LMO3: variants seen among roughly 807,000 people sequenced by gnomAD.
The protein encoded by LMO3 is LIM domain only 3, also known as LIM domain only protein 3.
LMO3 carries 2 observed loss-of-function variants against 15.8 expected under a neutral mutation model. The ratio of observed to expected loss-of-function variants is 0.13; its 90% CI spans 0.05 to 0.40. The LOEUF (loss-of-function observed/expected upper bound fraction) is 0.40. LMO3 is among the 10% of genes least tolerant of loss of function. The pLI is 0.99. For synonymous variants in LMO3, 62 were observed against 63.8 expected (o/e 0.97, Z 0.13); for missense variants, 86 against 182.2 (o/e 0.47, Z 3.04).
intron 1 of LMO3, chr12:16,602,364 G>A (rs1943849504): frequency 6.6e-6 from 1 of 152,182 alleles, no homozygotes; most frequent in Non-Finnish European, 1.5e-5. Context: ...AGACATCAAG[G>A]CATCCGCAGA....
chr12:16,605,703 G>C, intron 1 of LMO3: 1 of 1,414,222 alleles, frequency 7.1e-7, no homozygotes, highest in South Asian at 1.2e-5. Context: ...CTCTCCCCGG[G>C]AGTCAGGGGT....
chr12:16,566,022 ATATATATATATATATAT>A (rs1565488327), intron 2 of LMO3, among the ~76,000 whole-genome samples: 3 of 83,728 alleles, frequency 3.6e-5, no homozygotes, highest in Non-Finnish European at 7.0e-5. Flanking sequence ...ATATATATAT[ATATATATATATATATAT>A]AAAATGGAGT....
Position 16,549,272 on chromosome 12 carries a change from G to GTTAT in LMO3, c.*1946_*1949dup, listed in dbSNP as rs1941900142. ...GTAAGGCTCTAAGGCTAAAATAATA[G>GTTAT]TTATTTTTGTGGGCCCCAAATAGCT... On this transcript the variant is annotated 3_prime_UTR_variant, in exon 4 of 4. Coordinates refer to ENST00000537304, the MANE Select transcript of LMO3 (RefSeq NM_018640.5). 1.3e-5 allele frequency: 2 copies of GTTAT among 152,054 alleles called. No individual in the cohort carries two copies. The highest frequency in any genetic ancestry group is 2.4e-5 in the African/African-American group (1 of 41,416). The allele number at this position is 152,054 out of a possible 1,614,324, so 9.4% of individuals were successfully genotyped here. A position where few individuals can be genotyped will look rare whatever the true frequency, so the allele number is the denominator to read the frequency against.
In LMO3 at chr12:16,598,858, T is replaced by C. The variant is rs1409713710; in HGVS notation, c.206+1797A>G. 4.8e-6 allele frequency: 1 copy of C among 209,138 alleles called. No individual in the cohort carries two copies. The highest frequency in any genetic ancestry group is 6.2e-5 in the South Asian group (1 of 16,036). 13.0% of individuals were successfully genotyped at this position (209,138 alleles called of 1,614,324 possible). A position where few individuals can be genotyped will look rare whatever the true frequency, so the allele number is the denominator to read the frequency against. ...AAAACCCCAGATATTTCAGTTGACATTCTTTCAAGTTTACTTAATTTTTGT... is the reference window on the plus strand; with the variant it reads ...AAAACCCCAGATATTTCAGTTGACACTCTTTCAAGTTTACTTAATTTTTGT... On this transcript the variant is annotated intron_variant, in intron 2 of 3. Coordinates refer to ENST00000537304, the MANE Select transcript of LMO3 (RefSeq NM_018640.5). This position sits in a 1 kb window ranked among gnomAD's most constrained non-coding sequence, Gnocchi z 4.3.
At chr12:16,556,875 C>A (rs1420985100) in intron 3 of LMO3, among the ~76,000 whole-genome samples, 1 of 152,086 alleles carries the variant, frequency 6.6e-6, no homozygotes. Context: ...TGTGCATAAC[C>A]GGCACTAAAG....
At chr12:16,581,693 T>C (rs1435263238) in intron 2 of LMO3, among the ~76,000 whole-genome samples, 1 of 152,170 alleles carries the variant, frequency 6.6e-6, no homozygotes, top group Non-Finnish European at 1.5e-5. Context: ...GTGATACTTA[T>C]CTAGCAGGGA....
intron 2 of LMO3, among the ~76,000 whole-genome samples, chr12:16,571,014 C>A (rs370639068): frequency 6.6e-6 from 1 of 151,682 alleles, no homozygotes; most frequent in African/African-American, 2.4e-5. Flanking sequence ...GCACATGTAC[C>A]CTAAAACTTA....
chr12:16,605,602 G>C, intron 1 of LMO3: 1 of 692,742 alleles, frequency 1.4e-6, no homozygotes, highest in Non-Finnish European at 2.3e-6. Flanking sequence ...CAGCAAGTAA[G>C]GGGGAGGGGT....
rs1214221810 is a variant in LMO3, at chr12:16,548,995, T to C, written c.*2227A>G. On this transcript the variant is annotated 3_prime_UTR_variant, in exon 4 of 4. Coordinates refer to ENST00000537304, the MANE Select transcript of LMO3 (RefSeq NM_018640.5). This position sits in a 1 kb window ranked among gnomAD's most constrained non-coding sequence, Gnocchi z 4.2. ...ACAACTTCAAGAAGCTGAGAGAAGT[T>C]TGTTCCCAATTTACAAGTATTTTGA... 1.3e-5 allele frequency: 2 copies of C among 152,172 alleles called. No homozygotes were observed. The highest frequency in any genetic ancestry group is 6.5e-5 in the Admixed American group (1 of 15,268). The allele number at this position is 152,172 out of a possible 1,614,324, so 9.4% of individuals were successfully genotyped here.
In LMO3 at chr12:16,594,315, A is replaced by G. The variant is rs2137650263; in HGVS notation, c.206+6340T>C. On this transcript the variant is annotated intron_variant, in intron 2 of 3. Coordinates refer to ENST00000537304, the MANE Select transcript of LMO3 (RefSeq NM_018640.5). ...CAGAAGTAATCATATACACAAACCA[A>G]TTTTTATAAGCCAATTAAACTAAAA... The G allele has an allele frequency of 3.5e-6, 5 of 1,421,876 alleles. No homozygotes were observed. In the South Asian group the frequency reaches 7.8e-5, roughly 22 times the overall value. 88.1% of individuals were successfully genotyped at this position (1,421,876 alleles called of 1,614,324 possible).
In LMO3 at chr12:16,548,421, G is replaced by A. The variant is rs1941868770; in HGVS notation, c.*2801C>T. 1.3e-5 allele frequency: 2 copies of A among 152,086 alleles called. No homozygotes were observed. The highest frequency in any genetic ancestry group is 6.5e-5 in the Admixed American group (1 of 15,268). The allele number at this position is 152,086 out of a possible 1,614,324, so 9.4% of individuals were successfully genotyped here. ...AACATAAATCCAAATGTAAAAAAGT[G>A]AATGAAAGAATCCAGCAGATATTTA... On this transcript the variant is annotated 3_prime_UTR_variant, in exon 4 of 4. Coordinates refer to ENST00000537304, the MANE Select transcript of LMO3 (RefSeq NM_018640.5). The surrounding 1 kb of genome is among the most constrained non-coding windows in gnomAD (Gnocchi z 4.2).
At chr12:16,609,792 C>T (rs1837607436), upstream of LMO3, 1 of 152,142 alleles carries the variant, frequency 6.6e-6, no homozygotes, top group South Asian at 2.1e-4. Context: ...TATTTCTAAA[C>T]ACGTCTTCAA....
rs532407486 is a variant in LMO3 at position 16,603,628 on chromosome 12, T to A, written c.-9+2438A>T. ...ATCATAATTAAAAAAAAGACATAAATAATAGCCTGTGCAGTGTGGTGTGCA... is the reference window on the plus strand; with the variant it reads ...ATCATAATTAAAAAAAAGACATAAAAAATAGCCTGTGCAGTGTGGTGTGCA... On this transcript the variant is annotated intron_variant, in intron 1 of 3. Coordinates refer to ENST00000537304, the MANE Select transcript of LMO3 (RefSeq NM_018640.5). The surrounding 1 kb of genome is among the most constrained non-coding windows in gnomAD (Gnocchi z 4.9). 3.3e-5 allele frequency among the ~76,000 whole-genome samples: 5 copies of A among 152,256 alleles called. No individual in the cohort carries two copies. The South Asian group carries it at 1.0e-3, about 32-fold the overall frequency.
chr12:16,587,974 C>T lies in LMO3; in HGVS notation c.206+12681G>A, dbSNP rs946867355. Among the ~76,000 whole-genome samples the T allele has an allele frequency of 7.9e-5, 12 of 152,072 alleles. No homozygotes were observed. Among genetic ancestry groups the T allele is most frequent in the African/African-American group, 2.9e-4 (12 of 41,420 alleles). On this transcript the variant is annotated intron_variant, in intron 2 of 3. Coordinates refer to ENST00000537304, the MANE Select transcript of LMO3 (RefSeq NM_018640.5). This position sits in a 1 kb window ranked among gnomAD's most constrained non-coding sequence, Gnocchi z 4.3. ...GAATATTAATTCATGCTTAAAAAGT[C>T]CCTTTCTTTCAGATAATTACCCTGT...
intron 2 of LMO3, among the ~76,000 whole-genome samples, chr12:16,562,487 T>C (rs566943276): frequency 6.6e-6 from 1 of 152,222 alleles, no homozygotes; most frequent in Non-Finnish European, 1.5e-5. Flanking sequence ...CCCATTTCAA[T>C]TGCTCTCGCT....
At chr12:16,563,788 T>C (rs145435715) in intron 2 of LMO3, among the ~76,000 whole-genome samples, 4 of 152,296 alleles carry the variant, frequency 2.6e-5, no homozygotes, top group African/African-American at 9.6e-5. Flanking sequence ...CATTTTGAAA[T>C]TTTGATCTAA....
chr12:16,564,755 G>C (rs1942531347), intron 2 of LMO3, among the ~76,000 whole-genome samples: 1 of 152,120 alleles, frequency 6.6e-6, no homozygotes, highest in Admixed American at 6.6e-5. Context: ...CAGTAGTCAA[G>C]CAATCCTCAT....
intron 2 of LMO3, among the ~76,000 whole-genome samples, chr12:16,590,264 G>A (rs190398399): frequency 1.2e-4 from 18 of 152,166 alleles, no homozygotes; most frequent in Admixed American, 1.2e-3. Flanking sequence ...ATTAAGGTTA[G>A]TGGGTTAGGT....
At chr12:16,601,735 T>G (rs1026028697) in intron 1 of LMO3, 1 of 152,116 alleles carries the variant, frequency 6.6e-6, no homozygotes, top group African/African-American at 2.4e-5. Flanking sequence ...ATGTATACTA[T>G]GCTAAACATA....
Sources: allele counts gnomAD v4.1 joint callset (sites outside exome capture counted in the v4.1 genomes callset), GRCh38; gene constraint gnomAD v4.1.1; non-coding constraint Gnocchi (gnomAD v3.1); transcripts MANE v1.5; gene names NCBI Gene and HGNC (gene_info 2026-07-23, HGNC 2026-07-21).